Variants in CYP2C19 observed in about 807,000 individuals in gnomAD.
CYP2C19 encodes cytochrome P450 family 2 subfamily C member 19, also known as cytochrome P450 2C19.
CYP2C19 carries 59 observed loss-of-function variants against 40.9 expected under a neutral mutation model. The ratio of observed to expected loss-of-function variants is 1.44; its 90% CI spans 1.17 to 1.79. The LOEUF is 1.79. Ranked by LOEUF, CYP2C19 falls within the 40% of genes most tolerant of loss-of-function variation. The pLI, the probability that CYP2C19 is intolerant of heterozygous loss-of-function variation, is 0.00. For synonymous variants in CYP2C19, 253 were observed against 208.7 expected (o/e 1.21, Z -1.83); for missense variants, 754 against 596.9 (o/e 1.26, Z -2.74).
chr10:94,792,262 G>A (rs552466741), intron 5 of CYP2C19, among the ~76,000 whole-genome samples: 10 of 152,166 alleles, frequency 6.6e-5, no homozygotes, highest in South Asian at 4.1e-4. Context: ...GTGTCTGCAC[G>A]TGAGATAAGT....
chr10:94,843,876 A>C (rs1849530285), intron 7 of CYP2C19, among the ~76,000 whole-genome samples: 1 of 152,312 alleles, frequency 6.6e-6, no homozygotes. Flanking sequence ...TTTACATTTC[A>C]ATATTGAAAA....
rs548061214 is a variant in CYP2C19, at chr10:94,833,636, A to G, written c.962-9201A>G. Among the ~76,000 whole-genome samples the G allele has an allele frequency of 6.6e-5, 10 of 152,308 alleles. No individual in the cohort carries two copies. In the South Asian group the frequency reaches 1.2e-3, roughly 19 times the overall value. On this transcript the variant is annotated intron_variant, in intron 6 of 8. Transcript: ENST00000371321. Reference sequence around the variant, plus strand: ...TGCAGCCATAAAAAATGATGAGTTCATGTCCTTTGTAGGAACATGGATGAA... The same window carrying G: ...TGCAGCCATAAAAAATGATGAGTTCGTGTCCTTTGTAGGAACATGGATGAA...
chr10:94,831,120 C>A (rs1849328449), intron 6 of CYP2C19, among the ~76,000 whole-genome samples: 1 of 152,150 alleles, frequency 6.6e-6, no homozygotes, highest in Non-Finnish European at 1.5e-5. Context: ...TAAGTGAGAA[C>A]ATGCTATGTT....
chr10:94,799,969 G>A (rs533862336), intron 5 of CYP2C19, among the ~76,000 whole-genome samples: 1 of 152,000 alleles, frequency 6.6e-6, no homozygotes, highest in South Asian at 2.1e-4. Context: ...GCTTGGAGAA[G>A]TTTGTTATTA....
chr10:94,804,967 A>T (rs1473919514), intron 5 of CYP2C19, among the ~76,000 whole-genome samples: 1 of 151,984 alleles, frequency 6.6e-6, no homozygotes, highest in Non-Finnish European at 1.5e-5. Flanking sequence ...ATTGTATGAG[A>T]TTTTTCTATA....
chr10:94,792,603 TC>T (rs1397143834), intron 5 of CYP2C19, among the ~76,000 whole-genome samples: 1 of 152,182 alleles, frequency 6.6e-6, no homozygotes, highest in African/African-American at 2.4e-5. Context: ...TATTTCTCCT[TC>T]GTTTATGAAG....
chr10:94,762,847 A>C lies in CYP2C19; in HGVS notation c.142A>C (p.Lys48Gln). Residue 48 changes from lysine (K) to glutamine (Q), a missense_variant, in exon 1 of 9, where the codon AAG (lysine) becomes CAG (glutamine). By Grantham distance (53) the Lys-to-Gln change is moderately conservative. Coordinates refer to ENST00000371321, the MANE Select transcript of CYP2C19 (RefSeq NM_000769.4). ...TGGAAATATCCTACAGATAGATATTAAGGATGTCAGCAAATCCTTAACCAA... is the reference window on the plus strand; with the variant it reads ...TGGAAATATCCTACAGATAGATATTCAGGATGTCAGCAAATCCTTAACCAA... The part of the protein sequence containing the change: ...VIGNILQIDI[K>Q]DVSKSLTNLS... 6.2e-7 allele frequency: 1 copy of C among 1,613,882 alleles called. No individual in the cohort carries two copies. Among genetic ancestry groups the C allele is most frequent in the Non-Finnish European group, 8.5e-7 (1 of 1,179,826 alleles).
chr10:94,777,822 C>T (rs1301372159), intron 3 of CYP2C19, among the ~76,000 whole-genome samples: 1 of 152,126 alleles, frequency 6.6e-6, no homozygotes, highest in African/African-American at 2.4e-5. Flanking sequence ...AGAGCTTCTG[C>T]ATAGCAAAGG....
chr10:94,804,535 T>C (rs1848807511), intron 5 of CYP2C19, among the ~76,000 whole-genome samples: 1 of 152,202 alleles, frequency 6.6e-6, no homozygotes, highest in South Asian at 2.1e-4. Context: ...CTGGTGTCTT[T>C]CCCTCTCAGC....
intron 1 of CYP2C19, among the ~76,000 whole-genome samples, chr10:94,772,316 T>C (rs111789203): frequency 0.048 from 7,269 of 152,246 alleles, 248 homozygotes; most frequent in South Asian, 0.11. Context: ...AAATTATGTC[T>C]TTCTGATTGG....
chr10:94,813,913 G>A (rs1271803577), intron 5 of CYP2C19, among the ~76,000 whole-genome samples: 1 of 151,304 alleles, frequency 6.6e-6, no homozygotes, highest in Non-Finnish European at 1.5e-5. Context: ...CCCTGGTGGT[G>A]TAGGCTCTGA....
At chr10:94,805,779 A>T (rs1376925735) in intron 5 of CYP2C19, among the ~76,000 whole-genome samples, 1 of 152,178 alleles carries the variant, frequency 6.6e-6, no homozygotes, top group Non-Finnish European at 1.5e-5. Flanking sequence ...TATGCAAACT[A>T]ATTCATATTA....
At chr10:94,793,938 G>A (rs959283990) in intron 5 of CYP2C19, among the ~76,000 whole-genome samples, 1 of 152,104 alleles carries the variant, frequency 6.6e-6, no homozygotes, top group African/African-American at 2.4e-5. Flanking sequence ...CTTTTGTTCA[G>A]CTATGCCCTG....
chr10:94,818,256 T>C (rs1849044406), intron 5 of CYP2C19, among the ~76,000 whole-genome samples: 1 of 146,882 alleles, frequency 6.8e-6, no homozygotes, highest in Non-Finnish European at 1.5e-5. Context: ...TATATCTCTG[T>C]TTTGGTACCA....
At chr10:94,799,694 T>A (rs1441957192) in intron 5 of CYP2C19, among the ~76,000 whole-genome samples, 1 of 152,214 alleles carries the variant, frequency 6.6e-6, no homozygotes, top group Non-Finnish European at 1.5e-5. Flanking sequence ...TTTGTTTGTT[T>A]CTCTTTACTC....
intron 1 of CYP2C19, among the ~76,000 whole-genome samples, chr10:94,770,604 C>G (rs932583661): frequency 6.6e-6 from 1 of 152,110 alleles, no homozygotes; most frequent in Non-Finnish European, 1.5e-5. Context: ...CTGATATCTG[C>G]AGCTGATTGG....
intron 6 of CYP2C19, among the ~76,000 whole-genome samples, chr10:94,825,243 CA>C (rs1849197368): frequency 7.1e-6 from 1 of 140,140 alleles, no homozygotes; most frequent in African/African-American, 2.7e-5. Flanking sequence ...CTGACTTCCA[CA>C]ATGGTTGAAC....
chr10:94,820,394 G>T, intron 5 of CYP2C19, 102 bp from the exon 6 acceptor site: 1 of 1,349,724 alleles, frequency 7.4e-7, no homozygotes, highest in Admixed American at 1.8e-5. Context: ...ATACTTTACA[G>T]TTTCTATGTT....
intron 7 of CYP2C19, among the ~76,000 whole-genome samples, chr10:94,844,928 T>C (rs1033365255): frequency 2.6e-5 from 4 of 152,220 alleles, no homozygotes; most frequent in Non-Finnish European, 5.9e-5. Flanking sequence ...TGAAGGGGAA[T>C]GCTGCATCTG....
Sources: gnomAD v4.1 joint callset for allele counts (sites outside exome capture counted in the v4.1 genomes callset) on GRCh38, gnomAD v4.1.1 for gene constraint, MANE v1.5 for transcripts, NCBI Gene and HGNC (gene_info 2026-07-23, HGNC 2026-07-21) for gene names.